SWI5: variants seen among roughly 807,000 people sequenced by gnomAD.
SWI5 encodes DNA repair protein SWI5 homolog.
SWI5 carries 12 observed loss-of-function variants against 17.0 expected under a neutral mutation model. The ratio of observed to expected loss-of-function variants is 0.71; its 90% CI spans 0.45 to 1.14. The LOEUF is 1.14. Among genes scored for constraint, SWI5 ranks in the 50% most tolerant of loss-of-function variants. The probability of loss-of-function intolerance (pLI) is 0.00; values close to 1 mark genes in which losing one functional copy is unlikely to be tolerated. For synonymous variants in SWI5, 61 were observed against 64.0 expected (o/e 0.95, Z 0.22); for missense variants, 158 against 162.2 (o/e 0.97, Z 0.14).
upstream of SWI5, chr9:128,275,446 GGAGACCC>G (rs1831264919): frequency 7.7e-7 from 1 of 1,302,252 alleles, no homozygotes; most frequent in Non-Finnish European, 9.8e-7. Flanking sequence ...CCAGGTCCTT[GGAGACCC>G]GAGACCAAAG....
chr9:128,276,872 C>T, intron 2 of SWI5, 117 bp downstream of exon 2: 1 of 1,096,490 alleles, frequency 9.1e-7, no homozygotes, highest in African/African-American at 1.6e-5. Context: ...TCCATATCTT[C>T]TCCCAGTCGA....
exon 2 of SWI5, chr9:128,276,735 C>T (rs767556179): frequency 9.3e-6 from 15 of 1,613,044 alleles, no homozygotes; most frequent in Middle Eastern, 3.3e-4. Context: ...CCGAAGTTGC[C>T]GCGGGGCCTT....
chr9:128,286,700 G>A (rs926266368), intron 4 of SWI5, among the ~76,000 whole-genome samples: 9 of 152,170 alleles, frequency 5.9e-5, no homozygotes, highest in Admixed American at 1.3e-4. Flanking sequence ...AGGATTCCAC[G>A]GCAGGGAGGG....
chr9:128,284,547 G>A (rs1319039700), exon 3 of SWI5: 1 of 1,613,944 alleles, frequency 6.2e-7, no homozygotes, highest in South Asian at 1.1e-5. Flanking sequence ...GATGGGACCA[G>A]CGAGGAGTCT....
In SWI5 at chr9:128,276,747, C is replaced by T. The variant is rs755097717; in HGVS notation, c.103C>T (p.Arg35Ter). The T allele has an allele frequency of 1.9e-6, 3 of 1,612,328 alleles. No homozygotes were observed. Among genetic ancestry groups the T allele is most frequent in the South Asian group, 2.2e-5 (2 of 90,942 alleles). ...TACCCGAAGTTGCCGCGGGGCCTTC[C>T]GATCCCCTGTGAGTATTTCTTCCCC... Residue 35 changes from arginine to a stop codon, truncating the protein, a stop_gained, in exon 2 of 5, where the codon CGA (arginine) becomes TGA (stop). Coordinates refer to ENST00000418976, the Ensembl canonical transcript of SWI5. LOFTEE classifies it high-confidence loss of function.
chr9:128,284,441 T>C (rs975635639), intron 2 of SWI5, 69 bp from the exon 3 acceptor site: 19 of 1,564,490 alleles, frequency 1.2e-5, no homozygotes, highest in Non-Finnish European at 1.6e-5. Context: ...GAGTGACTAC[T>C]GGGGGACATG....
chr9:128,286,100 G>A (rs1323141856), intron 4 of SWI5, 67 bp downstream of exon 4: 1 of 1,254,444 alleles, frequency 8.0e-7, no homozygotes, highest in Non-Finnish European at 1.2e-6. Flanking sequence ...AGGGGTGTTG[G>A]GTTTTGCTCC....
chr9:128,288,814 C>A (rs753945760), exon 5 of SWI5: 2 of 1,363,334 alleles, frequency 1.5e-6, no homozygotes, highest in Non-Finnish European at 1.0e-6. Context: ...GAGTTTCCAG[C>A]GAGACAATGC....
At chr9:128,279,537 G>A (rs1048848503) in intron 2 of SWI5, among the ~76,000 whole-genome samples, 6 of 152,214 alleles carry the variant, frequency 3.9e-5, no homozygotes, top group South Asian at 4.1e-4. Flanking sequence ...GGCAGCATAC[G>A]TCAGCATTTT....
upstream of SWI5, chr9:128,275,516 CG>C: frequency 1.5e-6 from 2 of 1,300,946 alleles, no homozygotes; most frequent in South Asian, 2.7e-5. Context: ...GAGTCTGGAG[CG>C]GGGGGCCCCG....
intron 2 of SWI5, among the ~76,000 whole-genome samples, chr9:128,281,642 T>C (rs1295453269): frequency 6.6e-6 from 1 of 152,272 alleles, no homozygotes; most frequent in Admixed American, 6.5e-5. Flanking sequence ...CTATGTGCCA[T>C]GTACTGTTGT....
chr9:128,286,805 G>A (rs1831647036), intron 4 of SWI5, among the ~76,000 whole-genome samples: 2 of 152,110 alleles, frequency 1.3e-5, no homozygotes, highest in African/African-American at 4.8e-5. Context: ...GGGGTGATCA[G>A]GGCCCAAGAA....
At chr9:128,288,760 G>A (rs1251708631) in exon 5 of SWI5, 7 of 1,604,938 alleles carry the variant, frequency 4.4e-6, no homozygotes, top group African/African-American at 1.3e-5. Flanking sequence ...GGACAGAAGG[G>A]TGTGGACATG....
chr9:128,285,282 G>GAAGGAAGGAAGGA lies in SWI5; in HGVS notation c.234-642_234-630dup, dbSNP rs977182844. Reference sequence around the variant, plus strand: ...GGAAAGGGAAGGAAGGAAGGGAAAGGAAGGAAGGAAGGAAAGGAAGGAAGG... The same window carrying GAAGGAAGGAAGGA: ...GGAAAGGGAAGGAAGGAAGGGAAAGGAAGGAAGGAAGGAAAGGAAGGAAGGAAAGGAAGGAAGG... On this transcript the variant is annotated intron_variant, in intron 3 of 4. Transcript: ENST00000418976. This position sits in a 1 kb window ranked among gnomAD's most constrained non-coding sequence, Gnocchi z 4.8. Among the ~76,000 whole-genome samples the GAAGGAAGGAAGGA allele has an allele frequency of 6.6e-6, 1 of 151,312 alleles. No individual in the cohort carries two copies. Among genetic ancestry groups the GAAGGAAGGAAGGA allele is most frequent in the African/African-American group, 2.4e-5 (1 of 41,148 alleles).
At chr9:128,276,797 C>CGGAA in intron 2 of SWI5, 42 bp downstream of exon 2, 1 of 1,568,496 alleles carries the variant, frequency 6.4e-7, no homozygotes, top group Non-Finnish European at 8.7e-7. Flanking sequence ...CATCCTCGAC[C>CGGAA]TTCCCTTGTG....
At chr9:128,287,632 G>A (rs1244090954) in intron 4 of SWI5, among the ~76,000 whole-genome samples, 1 of 146,274 alleles carries the variant, frequency 6.8e-6, no homozygotes, top group Non-Finnish European at 1.5e-5. Context: ...CGTGATCTCG[G>A]CTCCCTGCAA....
At chr9:128,284,080 G>A (rs1031347448) in intron 2 of SWI5, among the ~76,000 whole-genome samples, 1 of 151,632 alleles carries the variant, frequency 6.6e-6, no homozygotes, top group South Asian at 2.1e-4. Flanking sequence ...GGCAGATCAC[G>A]AGGTCAGGAG....
chr9:128,275,922 G>C (rs1831329174), upstream of SWI5: 3 of 1,591,026 alleles, frequency 1.9e-6, no homozygotes, highest in Non-Finnish European at 2.6e-6. Flanking sequence ...AATTTGCTCT[G>C]TCGGGTTTCT....
In SWI5 at chr9:128,285,182, G is replaced by A. The variant is rs189398396; in HGVS notation, c.233+551G>A. On this transcript the variant is annotated intron_variant, in intron 3 of 4. Transcript: ENST00000418976. This position sits in a 1 kb window ranked among gnomAD's most constrained non-coding sequence, Gnocchi z 4.8. ...CTTGGTAAAGAAAGAGAAAGAGGGC[G>A]AGAGGGAGAGAGAGAGGAGAGGAAA... Among the ~76,000 whole-genome samples, 388 of 150,896 alleles carry A rather than the reference G, an allele frequency of 2.6e-3. No individual in the cohort carries two copies. Among genetic ancestry groups the A allele is most frequent in the Non-Finnish European group, 4.0e-3 (268 of 67,748 alleles).
Sources: allele counts gnomAD v4.1 joint callset (sites outside exome capture counted in the v4.1 genomes callset), GRCh38; gene constraint gnomAD v4.1.1; non-coding constraint Gnocchi (gnomAD v3.1); transcripts MANE v1.5; gene names NCBI Gene and HGNC (gene_info 2026-07-23, HGNC 2026-07-21).